RRP1B: variants seen among roughly 807,000 people sequenced by gnomAD.
The protein encoded by RRP1B is ribosomal RNA processing protein 1 homolog B.
A neutral mutation model predicts 80.2 loss-of-function variants in RRP1B; 56 were observed. That is an observed-to-expected ratio of 0.70 (90% confidence interval 0.56 to 0.87). The LOEUF is 0.87. RRP1B is among the 40% of genes least tolerant of loss of function. The probability of loss-of-function intolerance (pLI) is 0.00; values close to 1 mark genes in which losing one functional copy is unlikely to be tolerated. For synonymous variants in RRP1B, 351 were observed against 357.6 expected, an observed-to-expected ratio of 0.98 and a Z score of 0.21; for missense variants, 807 against 939.8, an observed-to-expected ratio of 0.86 and a Z score of 1.85.
chr21:43,693,668 T>C lies in RRP1B; in HGVS notation c.*285T>C. On this transcript the variant is annotated 3_prime_UTR_variant, in exon 16 of 16. Coordinates refer to ENST00000340648, the MANE Select transcript of RRP1B (RefSeq NM_015056.3). The surrounding 1 kb of genome is among the most constrained non-coding windows in gnomAD (Gnocchi z 4.1). ...CATTGGTGTAGGAAATGAGACCCTC[T>C]CTGAAGCTGAGGAGAGCACGTTGAT... The C allele has an allele frequency of 2.9e-6, 1 of 345,300 alleles. No homozygotes were observed. The highest frequency in any genetic ancestry group is 5.2e-6 in the Non-Finnish European group (1 of 193,368). 21.4% of individuals were successfully genotyped at this position (345,300 alleles called of 1,614,324 possible). A position where few individuals can be genotyped will look rare whatever the true frequency, so the allele number is the denominator to read the frequency against.
Position 43,690,307 on chromosome 21 carries a change from G to T in RRP1B, c.1886G>T (p.Ser629Ile). The change falls in exon 14 of 16, where the codon AGT becomes ATT. Residue 629 changes from serine (S) to isoleucine (I), a missense_variant. Coordinates refer to ENST00000340648, the MANE Select transcript of RRP1B (RefSeq NM_015056.3). ...PQALGSSGTC[S>I]SLKKQKLRAE... ...ACGTAGGGAAGCAGTGGGACTTGCA[G>T]TTCCCTGAAGAAGCAGAAGCTGAGG... 1 of 1,614,214 alleles carries T rather than the reference G, an allele frequency of 6.2e-7. No homozygotes were observed. Among genetic ancestry groups the T allele is most frequent in the Non-Finnish European group, 8.5e-7 (1 of 1,180,018 alleles).
At chr21:43,685,348 G>A (rs766428981) in intron 10 of RRP1B, among the ~76,000 whole-genome samples, 3 of 152,214 alleles carry the variant, frequency 2.0e-5, no homozygotes, top group African/African-American at 4.8e-5. Context: ...GCGCTTCGAT[G>A]CGTCTTGTTT....
intron 8 of RRP1B, among the ~76,000 whole-genome samples, chr21:43,679,954 T>C (rs1231553547): frequency 6.6e-6 from 1 of 152,200 alleles, no homozygotes; most frequent in Non-Finnish European, 1.5e-5. Context: ...TTTGCAGCTG[T>C]TGTAGAAGGG....
intron 1 of RRP1B, among the ~76,000 whole-genome samples, chr21:43,661,167 A>C (rs1006066399): frequency 2.6e-5 from 4 of 152,196 alleles, no homozygotes; most frequent in African/African-American, 9.7e-5. Context: ...TGATTCTGTT[A>C]AGAATCTCCC....
Position 43,687,641 on chromosome 21 carries a change from C to T in RRP1B, c.1267C>T (p.Leu423=), listed in dbSNP as rs150355848. 1.1e-5 allele frequency: 18 copies of T among 1,569,048 alleles called. No homozygotes were observed. In the African/African-American group the frequency reaches 2.3e-4, roughly 20 times the overall value. Residue 423 remains leucine, a synonymous_variant, in exon 13 of 16, where the codon CTG becomes TTG. Transcript: ENST00000340648. ...NPGPGGAAPS[L]EQNRGREPEA... is the part of the protein sequence containing the mutation. ...AGGCCCAGGGGGTGCAGCCCCATCC[C>T]TGGAACAGAACCGGGGCAGGGAGCC...
rs1285032125 is a variant in RRP1B at position 43,686,775 on chromosome 21, A to C, written c.1010-29A>C. 6 of 1,612,914 alleles carry C rather than the reference A, an allele frequency of 3.7e-6. No homozygotes were observed. The South Asian group carries it at 5.5e-5, about 15-fold the overall frequency. On this transcript the variant is annotated intron_variant, in intron 11 of 15. Coordinates refer to ENST00000340648, the MANE Select transcript of RRP1B (RefSeq NM_015056.3). ...GGGCAGAGTCTTGAGCGCCTGGGGAAGCTAACAGTGTGTCACTCTGGCATC... is the reference window on the plus strand; with the variant it reads ...GGGCAGAGTCTTGAGCGCCTGGGGACGCTAACAGTGTGTCACTCTGGCATC...
chr21:43,659,661 C>A lies in RRP1B; in HGVS notation c.-4C>A. 2.0e-6 allele frequency: 3 copies of A among 1,501,608 alleles called. No homozygotes were observed. The highest frequency in any genetic ancestry group is 1.3e-5 in the South Asian group (1 of 79,016). 93.0% of individuals were successfully genotyped at this position (1,501,608 alleles called of 1,614,324 possible). A position where few individuals can be genotyped will look rare whatever the true frequency, so the allele number is the denominator to read the frequency against. ...GCGCGGCCGGGGATGCTCCAGCGGG[C>A]GCGATGGCCCCCGCCATGCAGCCGG... is the stretch of plus-strand genomic sequence containing the variant. On this transcript the variant is annotated 5_prime_UTR_variant, in exon 1 of 16. Transcript: ENST00000340648. This position sits in a 1 kb window ranked among gnomAD's most constrained non-coding sequence, Gnocchi z 4.2.
rs2082939464 is a variant in RRP1B, at chr21:43,659,705, A to G, written c.41A>G (p.Gln14Arg). Residue 14 changes from glutamine to arginine, a missense_variant, in exon 1 of 16, where the codon CAG becomes CGG. Physicochemically the swap from Gln to Arg is conservative, Grantham distance 43. Coordinates refer to ENST00000340648, the MANE Select transcript of RRP1B (RefSeq NM_015056.3). The surrounding 1 kb of genome is among the most constrained non-coding windows in gnomAD (Gnocchi z 4.2). ...CAGCCGGCCGAGATCCAATTTGCCC[A>G]GCGGCTGGCGTCCAGCGAGAAGGGC... ...AMQPAEIQFAQRLASSEKGIR... is the reference protein window; with the variant it reads ...AMQPAEIQFARRLASSEKGIR... The G allele has an allele frequency of 6.5e-7, 1 of 1,530,826 alleles. No individual in the cohort carries two copies. Among genetic ancestry groups the G allele is most frequent in the Non-Finnish European group, 8.8e-7 (1 of 1,138,074 alleles). 94.8% of individuals were successfully genotyped at this position (1,530,826 alleles called of 1,614,324 possible).
chr21:43,688,930 C>T (rs2147176648), intron 13 of RRP1B, among the ~76,000 whole-genome samples: 1 of 152,356 alleles, frequency 6.6e-6, no homozygotes. Flanking sequence ...GCTGGAATTA[C>T]AGATACACAT....
chr21:43,688,171 G>C lies in RRP1B; in HGVS notation c.1797G>C (p.Met599Ile), dbSNP rs150022721. 3 of 1,576,596 alleles carry C rather than the reference G, an allele frequency of 1.9e-6. No individual in the cohort carries two copies. The highest frequency in any genetic ancestry group is 3.7e-5 in the Admixed American group (2 of 53,542). ...KTASLKKRKK[M>I]RVMSNLVEHN... is the part of the protein sequence containing the mutation. ...CAAGTTTGAAAAAGAGGAAGAAAAT[G>C]AGAGTGATGTCAAACTTGGTGGAGC... is the stretch of plus-strand genomic sequence containing the variant. Residue 599 changes from methionine (M) to isoleucine (I), a missense_variant, in exon 13 of 16, where the codon ATG (methionine) becomes ATC (isoleucine). Coordinates refer to ENST00000340648, the MANE Select transcript of RRP1B (RefSeq NM_015056.3).
intron 2 of RRP1B, 48 bp from the exon 3 acceptor site, chr21:43,672,260 G>A (rs1389604347): frequency 1.3e-6 from 2 of 1,574,560 alleles, no homozygotes; most frequent in Non-Finnish European, 1.7e-6. Context: ...GGCATCTCAT[G>A]TTGCCCCACG....
intron 12 of RRP1B, 141 bp from the exon 13 acceptor site, chr21:43,687,375 A>G: frequency 1.1e-6 from 1 of 938,746 alleles, no homozygotes; most frequent in Non-Finnish European, 1.5e-6. Flanking sequence ...GGGCGCACCA[A>G]GTACCTCAAG....
At chr21:43,688,373 G>C in intron 13 of RRP1B, 133 bp downstream of exon 13, 3 of 1,119,142 alleles carry the variant, frequency 2.7e-6, no homozygotes, top group Non-Finnish European at 3.8e-6. Flanking sequence ...TTAGAATAGG[G>C]TGTGTTCATA....
chr21:43,675,535 ATTTTT>A (rs1439056904), intron 6 of RRP1B, among the ~76,000 whole-genome samples: 1 of 152,202 alleles, frequency 6.6e-6, no homozygotes, highest in African/African-American at 2.4e-5. Flanking sequence ...GGAAACATAC[ATTTTT>A]TAGTATGCAA....
At chr21:43,689,972 G>A (rs566349943) in intron 13 of RRP1B, among the ~76,000 whole-genome samples, 2 of 152,282 alleles carry the variant, frequency 1.3e-5, no homozygotes, top group Admixed American at 6.5e-5. Flanking sequence ...ACAAATGGGA[G>A]AGTCGATCTT....
At chr21:43,685,726 TTTG>T (rs772262624) in intron 10 of RRP1B, 41 bp from the exon 11 acceptor site, 5 of 1,341,904 alleles carry the variant, frequency 3.7e-6, no homozygotes, top group Non-Finnish European at 5.0e-6. Flanking sequence ...TTTATGAACA[TTTG>T]TTATTTTTTT....
intron 1 of RRP1B, among the ~76,000 whole-genome samples, chr21:43,664,840 T>C (rs1380007188): frequency 6.6e-6 from 1 of 151,932 alleles, no homozygotes; most frequent in African/African-American, 2.4e-5. Flanking sequence ...GCAGGAGAGC[T>C]CCCCTTTATA....
chr21:43,665,613 C>T (rs576143143), intron 1 of RRP1B, among the ~76,000 whole-genome samples: 1 of 152,276 alleles, frequency 6.6e-6, no homozygotes, highest in South Asian at 2.1e-4. Context: ...GTGGTGCGAT[C>T]TTGGCTCACT....
At chr21:43,669,085 G>A (rs575224280) in intron 1 of RRP1B, among the ~76,000 whole-genome samples, 28 of 152,162 alleles carry the variant, frequency 1.8e-4, no homozygotes, top group Admixed American at 1.4e-3. Context: ...AATGATCACC[G>A]TTACAGGGAG....
Sources: gnomAD v4.1 joint callset for allele counts (sites outside exome capture counted in the v4.1 genomes callset) on GRCh38, gnomAD v4.1.1 for gene constraint, Gnocchi (gnomAD v3.1) non-coding constraint, MANE v1.5 for transcripts, NCBI Gene and HGNC (gene_info 2026-07-23, HGNC 2026-07-21) for gene names.